JAKMIP1: variants seen among roughly 807,000 people sequenced by gnomAD.
JAKMIP1 encodes the protein janus kinase and microtubule interacting protein 1, also known as janus kinase and microtubule-interacting protein 1.
Under a neutral mutation model 113.0 loss-of-function variants are expected in JAKMIP1, and 33 were observed. The observed-to-expected ratio is 0.29, with a 90% confidence interval of 0.22 to 0.39. The LOEUF (loss-of-function observed/expected upper bound fraction) is 0.39, where lower values mean the gene tolerates loss of function less well. JAKMIP1 is among the 10% of genes least tolerant of loss of function. The probability of loss-of-function intolerance (pLI) is 1.00; values close to 1 mark genes in which losing one functional copy is unlikely to be tolerated. For synonymous variants in JAKMIP1, 480 were observed against 459.9 expected (o/e 1.04, Z -0.56); for missense variants, 813 against 1,080.5 (o/e 0.75, Z 3.47).
At chr4:6,055,351 A>G in intron 12 of JAKMIP1, among the ~76,000 whole-genome samples, 1 of 152,200 alleles carries the variant, frequency 6.6e-6, no homozygotes, top group East Asian at 1.9e-4. Flanking sequence ...AGATTTACAA[A>G]AAGAATAAGT....
At chr4:6,101,279 G>A (rs1470247994) in intron 3 of JAKMIP1, among the ~76,000 whole-genome samples, 4 of 152,092 alleles carry the variant, frequency 2.6e-5, no homozygotes, top group Admixed American at 2.6e-4. Flanking sequence ...GTGTGTGTGT[G>A]TGTGTATTTC....
In JAKMIP1 at chr4:6,065,488, A is replaced by C. The variant is rs138297938; in HGVS notation, c.1303-480T>G. Reference sequence around the variant, plus strand: ...TTCTAAGGAGAAGAACTGGATGAATAAGGACAGCAGAGGGGGCAACAGCTT... The same window carrying C: ...TTCTAAGGAGAAGAACTGGATGAATCAGGACAGCAGAGGGGGCAACAGCTT... On this transcript the variant is annotated intron_variant, in intron 8 of 20. Coordinates refer to ENST00000409021, the MANE Select transcript of JAKMIP1 (RefSeq NM_001099433.2). This position sits in a 1 kb window ranked among gnomAD's most constrained non-coding sequence, Gnocchi z 5.1. Among the ~76,000 whole-genome samples, 562 of 152,346 alleles carry C rather than the reference A, an allele frequency of 3.7e-3. 3 individuals are homozygous for C. The highest frequency in any genetic ancestry group is 0.013 in the African/African-American group (527 of 41,576).
At chr4:6,068,314 G>A (rs758490415) in intron 8 of JAKMIP1, among the ~76,000 whole-genome samples, 12 of 152,136 alleles carry the variant, frequency 7.9e-5, no homozygotes, top group Non-Finnish European at 1.2e-4. Flanking sequence ...TGGAGCCCCC[G>A]ACAGTATCAT....
At chr4:6,101,657 C>A (rs1440561820) in intron 3 of JAKMIP1, among the ~76,000 whole-genome samples, 1 of 146,020 alleles carries the variant, frequency 6.8e-6, no homozygotes, top group East Asian at 2.0e-4. Context: ...GAGGCCAAGG[C>A]AGGTGGATCA....
chr4:6,137,226 G>A lies in JAKMIP1; in HGVS notation c.-147-24229C>T, dbSNP rs75593825. Among the ~76,000 whole-genome samples the A allele has an allele frequency of 6.6e-6, 1 of 152,138 alleles. No homozygotes were observed. The highest frequency in any genetic ancestry group is 2.4e-5 in the African/African-American group (1 of 41,422). ...CAGCTCTGCCTCCTCCACCTGACAG[G>A]ACATGTGCTATGCCAGGTCCTGGCT... On this transcript the variant is annotated intron_variant, in intron 1 of 20. Coordinates refer to ENST00000409021, the MANE Select transcript of JAKMIP1 (RefSeq NM_001099433.2). The surrounding 1 kb of genome is among the most constrained non-coding windows in gnomAD (Gnocchi z 4.5).
In JAKMIP1 at chr4:6,049,828, G is replaced by T; in HGVS notation, c.1953C>A (p.Gly651=). ...SELMKKLDIL[G]DNGNLRNEEQ... is the part of the protein sequence containing the mutation. The stretch of plus-strand genomic sequence containing the variant: ...GATCGCTCATAGTTACCCCGTTATC[G>T]CCAAGGATATCTAATTTCTTCATAA... Residue 651 remains glycine, a synonymous_variant, in exon 15 of 21, where the codon GGC becomes GGA. Coordinates refer to ENST00000409021, the MANE Select transcript of JAKMIP1 (RefSeq NM_001099433.2). This position sits in a 1 kb window ranked among gnomAD's most constrained non-coding sequence, Gnocchi z 7.0. The T allele has an allele frequency of 6.2e-7, 1 of 1,611,356 alleles. No individual in the cohort carries two copies. Among genetic ancestry groups the T allele is most frequent in the Non-Finnish European group, 8.5e-7 (1 of 1,177,570 alleles).
intron 1 of JAKMIP1, among the ~76,000 whole-genome samples, chr4:6,182,033 C>G (rs1381891591): frequency 1.3e-5 from 2 of 151,874 alleles, no homozygotes; most frequent in Non-Finnish European, 2.9e-5. Context: ...ATGTTTATGT[C>G]CCCCCAAATT....
chr4:6,144,940 T>C (rs930868110), intron 1 of JAKMIP1, among the ~76,000 whole-genome samples: 3 of 152,168 alleles, frequency 2.0e-5, no homozygotes, highest in African/African-American at 7.2e-5. Flanking sequence ...AGTAAAATTA[T>C]CTATTTCCCA....
intron 1 of JAKMIP1, among the ~76,000 whole-genome samples, chr4:6,149,591 C>G (rs1384753374): frequency 6.6e-6 from 1 of 152,228 alleles, no homozygotes; most frequent in East Asian, 1.9e-4. Context: ...TTTCATCTCT[C>G]TTCTGAAGAT....
At chr4:6,062,561 A>C in intron 9 of JAKMIP1, 121 bp from the exon 10 acceptor site, 1 of 1,068,390 alleles carries the variant, frequency 9.4e-7, no homozygotes, top group Non-Finnish European at 1.4e-6. Context: ...TGCCAGGGTC[A>C]ACTTAGACAT....
intron 13 of JAKMIP1, 87 bp downstream of exon 13, chr4:6,053,963 C>T: frequency 1.2e-6 from 2 of 1,605,234 alleles, no homozygotes; most frequent in Non-Finnish European, 1.7e-6. Flanking sequence ...TGCTTGAAAA[C>T]ATCTGAGAGC....
chr4:6,132,065 T>C (rs369298810), intron 1 of JAKMIP1, among the ~76,000 whole-genome samples: 4 of 152,252 alleles, frequency 2.6e-5, no homozygotes, highest in East Asian at 1.9e-4. Context: ...AATCATTTTT[T>C]ATTCTTAATT....
At chr4:6,126,391 G>A (rs1717628490) in intron 1 of JAKMIP1, among the ~76,000 whole-genome samples, 1 of 130,814 alleles carries the variant, frequency 7.6e-6, no homozygotes, top group Non-Finnish European at 1.6e-5. Flanking sequence ...ACATCATACA[G>A]AAACACACAC....
At chr4:6,053,821 G>C in intron 13 of JAKMIP1, 2 of 1,344,114 alleles carry the variant, frequency 1.5e-6, no homozygotes, top group Non-Finnish European at 1.9e-6. Context: ...ATTAGCTCTG[G>C]TACATGTCCA....
intron 1 of JAKMIP1, among the ~76,000 whole-genome samples, chr4:6,124,636 C>A (rs965419593): frequency 2.6e-5 from 4 of 152,198 alleles, no homozygotes; most frequent in Non-Finnish European, 5.9e-5. Flanking sequence ...CTGCTGATGC[C>A]CTGTCGGGGA....
rs1715451595 is a variant in JAKMIP1, at chr4:6,049,965, C to T, written c.1909-93G>A. ...CACGGCCTTTCCTCTGGACAAGACA[C>T]CGCGCTCTTTCTTTTCTTTTCTGGC... On this transcript the variant is annotated intron_variant, in intron 14 of 20. Transcript: ENST00000409021. The surrounding 1 kb of genome is among the most constrained non-coding windows in gnomAD (Gnocchi z 7.0). The T allele has an allele frequency of 1.4e-5, 12 of 852,760 alleles. No individual in the cohort carries two copies. The South Asian group carries it at 1.8e-4, about 13-fold the overall frequency. 52.8% of individuals were successfully genotyped at this position (852,760 alleles called of 1,614,324 possible).
intron 13 of JAKMIP1, chr4:6,053,693 G>A (rs1285907013): frequency 7.3e-6 from 6 of 819,794 alleles, no homozygotes; most frequent in African/African-American, 1.8e-5. Context: ...ATGCGTACCC[G>A]GTGACTACGC....
At chr4:6,028,932 GAA>G (rs1236398706) in intron 20 of JAKMIP1, among the ~76,000 whole-genome samples, 10 of 152,234 alleles carry the variant, frequency 6.6e-5, no homozygotes, top group African/African-American at 1.9e-4. Context: ...CCTGTGGCAA[GAA>G]CTGTCTTGAA....
chr4:6,170,210 AAGACC>A, intron 1 of JAKMIP1, among the ~76,000 whole-genome samples: 1 of 144,996 alleles, frequency 6.9e-6, no homozygotes, highest in African/African-American at 2.6e-5. Flanking sequence ...CATCATTGTC[AAGACC>A]ATCATAATGC....
Sources: allele counts gnomAD v4.1 joint callset (sites outside exome capture counted in the v4.1 genomes callset), GRCh38; gene constraint gnomAD v4.1.1; non-coding constraint Gnocchi (gnomAD v3.1); transcripts MANE v1.5; gene names NCBI Gene and HGNC (gene_info 2026-07-23, HGNC 2026-07-21).